RIC3: variants seen among roughly 807,000 people sequenced by gnomAD.
RIC3 encodes RIC3 acetylcholine receptor chaperone.
RIC3 carries 28 observed loss-of-function variants against 27.3 expected under a neutral mutation model. That is an observed-to-expected ratio of 1.02 (90% CI 0.76 to 1.41). RIC3 has a LOEUF of 1.41. Ranked by LOEUF, RIC3 falls within the 40% of genes most tolerant of loss-of-function variation. RIC3 has a pLI of 0.00. For synonymous variants in RIC3, 184 were observed against 160.4 expected (o/e 1.15, Z -1.11); for missense variants, 501 against 444.7 (o/e 1.13, Z -1.14).
intron 5 of RIC3, among the ~76,000 whole-genome samples, chr11:8,118,478 G>A (rs943642392): frequency 5.1e-5 from 6 of 118,022 alleles, no homozygotes; most frequent in Non-Finnish European, 7.1e-5. Flanking sequence ...ATTTAAAAAG[G>A]TAGCAAACAA....
intron 1 of RIC3, among the ~76,000 whole-genome samples, chr11:8,144,237 C>T (rs1464532204): frequency 4.0e-5 from 6 of 150,734 alleles, no homozygotes; most frequent in Non-Finnish European, 5.9e-5. Context: ...TCAGAGTGAA[C>T]AGGCAACCTA....
chr11:8,146,734 G>T (rs558489726), intron 1 of RIC3, among the ~76,000 whole-genome samples: 1 of 151,798 alleles, frequency 6.6e-6, no homozygotes, highest in Non-Finnish European at 1.5e-5. Flanking sequence ...GCGGGGCGGG[G>T]TGGCAGGGGG....
At chr11:8,139,128 A>T (rs1383802999) in intron 2 of RIC3, 1 of 152,290 alleles carries the variant, frequency 6.6e-6, no homozygotes, top group Non-Finnish European at 1.5e-5. Flanking sequence ...TTTCTAACAC[A>T]AGGGAAAAAA....
intron 4 of RIC3, among the ~76,000 whole-genome samples, chr11:8,134,085 T>C (rs1314477687): frequency 1.4e-4 from 21 of 152,092 alleles, no homozygotes; most frequent in Admixed American, 1.4e-3. Context: ...CATGTTGGTG[T>C]GCTGCACCCA....
chr11:8,163,784 G>A (rs1951413672), intron 1 of RIC3, among the ~76,000 whole-genome samples: 2 of 148,862 alleles, frequency 1.3e-5, no homozygotes, highest in Non-Finnish European at 3.0e-5. Flanking sequence ...AATTGCTTCA[G>A]TTCACTCTAT....
the RIC3 span, chr11:8,100,586 T>C: frequency 1.2e-6 from 2 of 1,614,036 alleles, no homozygotes; most frequent in South Asian, 2.2e-5. Flanking sequence ...AGAGAGTCTC[T>C]ATCCGCCCCC....
intron 4 of RIC3, among the ~76,000 whole-genome samples, chr11:8,133,785 T>C (rs997066032): frequency 2.6e-5 from 4 of 152,182 alleles, no homozygotes; most frequent in African/African-American, 9.7e-5. Context: ...GAGGTTATAG[T>C]ATTGCATCCC....
chr11:8,101,859 A>AACCAC, downstream of RIC3: 1 of 466,118 alleles, frequency 2.1e-6, no homozygotes, highest in South Asian at 3.6e-5. Context: ...TTTCCATGCC[A>AACCAC]CGAGATCAAC....
Position 8,111,117 on chromosome 11 carries a change from G to C in RIC3, c.691C>G (p.Pro231Ala), listed in dbSNP as rs1207075269. ...DWEGYPEETY[P>A]IYDLSDCIKR... ...ATACAGTCTGAAAGGTCATAAATTG[G>C]GTAAGTCTCTTCAGGGTAACCTAGA... The change falls in exon 6 of 6, where the codon CCA becomes GCA. Residue 231 changes from proline (P) to alanine (A), a missense_variant. Physicochemically the swap from Pro to Ala is conservative, Grantham distance 27 (BLOSUM62 -1). Coordinates refer to ENST00000309737, the MANE Select transcript of RIC3 (RefSeq NM_001206671.4). 6.2e-7 allele frequency: 1 copy of C among 1,603,716 alleles called. No homozygotes were observed. The highest frequency in any genetic ancestry group is 8.5e-7 in the Non-Finnish European group (1 of 1,172,004).
At position 8,106,771 on chromosome 11, in the gene RIC3, G is replaced by A. The variant is rs1944711974; in HGVS notation, c.*3927C>T. On this transcript the variant is annotated 3_prime_UTR_variant, in exon 6 of 6. Coordinates refer to ENST00000309737, the MANE Select transcript of RIC3 (RefSeq NM_001206671.4). ...GTTGTAGCTAGAAGCAGACATGAAAGCTAATGGTCTGACCCAGACAAGAGG... is the reference window on the plus strand; with the variant it reads ...GTTGTAGCTAGAAGCAGACATGAAAACTAATGGTCTGACCCAGACAAGAGG... 2 of 152,262 alleles carry A rather than the reference G, an allele frequency of 1.3e-5. No homozygotes were observed. Among genetic ancestry groups the A allele is most frequent in the South Asian group, 4.1e-4 (2 of 4,830 alleles). The allele number at this position is 152,262 out of a possible 1,614,324, so 9.4% of individuals were successfully genotyped here. A position where few individuals can be genotyped will look rare whatever the true frequency, so the allele number is the denominator to read the frequency against.
chr11:8,126,582 A>G, intron 5 of RIC3, 77 bp downstream of exon 5: 1 of 1,543,364 alleles, frequency 6.5e-7, no homozygotes, highest in Non-Finnish European at 8.8e-7. Context: ...CTCAATAATG[A>G]AGCTGATTTT....
intron 5 of RIC3, among the ~76,000 whole-genome samples, chr11:8,121,575 G>C (rs983098558): frequency 1.3e-5 from 2 of 151,992 alleles, no homozygotes; most frequent in African/African-American, 4.8e-5. Flanking sequence ...AATTAGCTGG[G>C]CATGGTGGCA....
chr11:8,097,418 G>A, the RIC3 span: 31 of 1,614,080 alleles, frequency 1.9e-5, no homozygotes, highest in Non-Finnish European at 2.5e-5. Flanking sequence ...CGTGAGGATG[G>A]GAAGAAGGTA....
intron 1 of RIC3, among the ~76,000 whole-genome samples, chr11:8,151,295 A>G (rs1950195316): frequency 6.6e-6 from 1 of 152,192 alleles, no homozygotes; most frequent in Non-Finnish European, 1.5e-5. Context: ...GCAACATTAA[A>G]AAGACAAATA....
At chr11:8,132,669 TTAAGG>T (rs1165830343) in intron 4 of RIC3, among the ~76,000 whole-genome samples, 1 of 152,186 alleles carries the variant, frequency 6.6e-6, no homozygotes. Context: ...TACTTAAGCA[TTAAGG>T]TAAAGTTTCA....
At chr11:8,142,838 T>C (rs1283610903) in intron 1 of RIC3, among the ~76,000 whole-genome samples, 1 of 96,474 alleles carries the variant, frequency 1.0e-5, no homozygotes, top group East Asian at 2.9e-4. Context: ...CATGATCAAG[T>C]GGGCTTCATC....
At chr11:8,139,902 A>C (rs1437911304) in intron 2 of RIC3, 65 bp downstream of exon 2, 1 of 1,400,282 alleles carries the variant, frequency 7.1e-7, no homozygotes, top group Non-Finnish European at 1.0e-6. Context: ...TTTAATGTAG[A>C]CAATGATTTT....
intron 2 of RIC3, 65 bp from the exon 3 acceptor site, chr11:8,138,412 T>C (rs1393258005): frequency 2.1e-6 from 2 of 935,128 alleles, no homozygotes; most frequent in Non-Finnish European, 1.6e-6. Flanking sequence ...GAACCCCTCA[T>C]ATCAAACAAA....
At chr11:8,105,268 G>C (rs1944503118), downstream of RIC3, 1 of 152,230 alleles carries the variant, frequency 6.6e-6, no homozygotes, top group African/African-American at 2.4e-5. Context: ...CACTTCTCCA[G>C]ATAGCTGAAT....
Sources: gnomAD v4.1 joint callset for allele counts (sites outside exome capture counted in the v4.1 genomes callset) on GRCh38, gnomAD v4.1.1 for gene constraint, MANE v1.5 for transcripts, NCBI Gene and HGNC (gene_info 2026-07-23, HGNC 2026-07-21) for gene names.